Variants in TOPAZ1 observed in about 807,000 individuals in gnomAD.
TOPAZ1 encodes protein TOPAZ1.
TOPAZ1 carries 66 observed loss-of-function variants against 172.2 expected under a neutral mutation model. The observed-to-expected ratio is 0.38, with a 90% CI of 0.31 to 0.47. TOPAZ1 has a LOEUF of 0.47. Ranked by LOEUF, TOPAZ1 falls within the 20% of genes least tolerant of loss-of-function variation. TOPAZ1 has a pLI of 0.99. For synonymous variants in TOPAZ1, 681 were observed against 683.9 expected (o/e 1.00, Z 0.07); for missense variants, 1,822 against 1,972.4 (o/e 0.92, Z 1.44).
Position 44,323,161 on chromosome 3 carries a change from G to T in TOPAZ1, c.4541G>T (p.Ser1514Ile), listed in dbSNP as rs1700559126. The stretch of plus-strand genomic sequence containing the variant: ...CTAGGTTCCTGTATAGAAAGCAGTA[G>T]TCTTGGTATGTCATCCTCTGTGGCA... ...KLLGSCIESSSLGMSSSVAEF... is the reference protein window; with the variant it reads ...KLLGSCIESSILGMSSSVAEF... Residue 1514 changes from serine to isoleucine, a missense_variant, in exon 18 of 20, where the codon AGT becomes ATT. Physicochemically the swap from Ser to Ile is moderately radical, Grantham distance 142. Coordinates refer to ENST00000309765, the MANE Select transcript of TOPAZ1 (RefSeq NM_001145030.2). 2 of 1,550,138 alleles carry T rather than the reference G, an allele frequency of 1.3e-6. No individual in the cohort carries two copies. The highest frequency in any genetic ancestry group is 1.7e-6 in the Non-Finnish European group (2 of 1,146,004).
At chr3:44,279,526 T>C (rs1699999506) in intron 8 of TOPAZ1, among the ~76,000 whole-genome samples, 1 of 152,216 alleles carries the variant, frequency 6.6e-6, no homozygotes, top group Non-Finnish European at 1.5e-5. Flanking sequence ...TTTTAAGTTG[T>C]TATATCCTGT....
At chr3:44,270,872 TA>T (rs1219025398) in intron 8 of TOPAZ1, 62 bp downstream of exon 8, 4 of 1,419,878 alleles carry the variant, frequency 2.8e-6, no homozygotes, top group African/African-American at 1.5e-5. Context: ...TCATGCATTT[TA>T]ATTTAGATTT....
chr3:44,316,092 T>A (rs975954164), intron 16 of TOPAZ1, among the ~76,000 whole-genome samples: 47 of 151,016 alleles, frequency 3.1e-4, no homozygotes, highest in African/African-American at 9.5e-4. Context: ...AAAAAAAAAA[T>A]TTAATTAGCC....
intron 3 of TOPAZ1, among the ~76,000 whole-genome samples, 161 bp from the exon 4 acceptor site, chr3:44,255,990 G>C (rs940864295): frequency 1.3e-5 from 2 of 151,788 alleles, no homozygotes; most frequent in South Asian, 2.1e-4. Flanking sequence ...TATTTTGATA[G>C]AGAGGAATTA....
Position 44,331,362 on chromosome 3 carries a change from A to G in TOPAZ1, c.4860-430A>G, listed in dbSNP as rs892136969. Among the ~76,000 whole-genome samples, 5 of 151,746 alleles carry G rather than the reference A, an allele frequency of 3.3e-5. No homozygotes were observed. In the East Asian group the frequency reaches 5.8e-4, roughly 18 times the overall value. On this transcript the variant is annotated intron_variant, in intron 19 of 19. Transcript: ENST00000309765. ...TTTTTTTTGGACAGAGTCTTGCTCT[A>G]TCACTCAGGCTAGAGTGCAGTGGTG...
chr3:44,329,582 A>G (rs1262946727), intron 19 of TOPAZ1, among the ~76,000 whole-genome samples: 1 of 152,232 alleles, frequency 6.6e-6, no homozygotes, highest in Admixed American at 6.5e-5. Context: ...GCAAGCTACA[A>G]GCTAACCTGC....
At chr3:44,274,006 G>A (rs1299617114) in intron 8 of TOPAZ1, among the ~76,000 whole-genome samples, 2 of 152,082 alleles carry the variant, frequency 1.3e-5, no homozygotes, top group Admixed American at 1.3e-4. Context: ...GAGGCCCAGC[G>A]CGGTGGCTCA....
rs182303549 is a variant in TOPAZ1 at position 44,304,420 on chromosome 3, T to C, written c.3864+339T>C. Among the ~76,000 whole-genome samples the C allele has an allele frequency of 2.6e-5, 4 of 152,332 alleles. No individual in the cohort carries two copies. In the East Asian group the frequency reaches 7.7e-4, roughly 29 times the overall value. ...CATAAGAAAGCTGAGGTACTTGTCATGGATGGCTACAGTACATGAAATGGT... is the reference window on the plus strand; with the variant it reads ...CATAAGAAAGCTGAGGTACTTGTCACGGATGGCTACAGTACATGAAATGGT... On this transcript the variant is annotated intron_variant, in intron 13 of 19. Coordinates refer to ENST00000309765, the MANE Select transcript of TOPAZ1 (RefSeq NM_001145030.2).
chr3:44,246,792 G>C (rs146510618), intron 2 of TOPAZ1, among the ~76,000 whole-genome samples: 111 of 152,276 alleles, frequency 7.3e-4, no homozygotes, highest in African/African-American at 2.6e-3. Flanking sequence ...TCATCTTTCT[G>C]TAAAAAGGGA....
intron 6 of TOPAZ1, among the ~76,000 whole-genome samples, chr3:44,268,137 T>A (rs571974429): frequency 1.1e-4 from 16 of 152,276 alleles, no homozygotes; most frequent in Non-Finnish European, 2.4e-4. Context: ...TGATGCCTGG[T>A]GTATTAGTTT....
At chr3:44,287,694 A>C (rs911044615) in intron 10 of TOPAZ1, 53 bp from the exon 11 acceptor site, 11 of 1,095,332 alleles carry the variant, frequency 1.0e-5, no homozygotes, top group Non-Finnish European at 1.4e-5. Flanking sequence ...GAGAAATTTA[A>C]GGTGTACTAA....
chr3:44,322,638 A>C (rs1010663479), intron 17 of TOPAZ1, among the ~76,000 whole-genome samples: 1 of 152,194 alleles, frequency 6.6e-6, no homozygotes, highest in African/African-American at 2.4e-5. Flanking sequence ...TGAGGCAGGC[A>C]GTTCACTTGA....
chr3:44,309,633 C>A (rs993491170), intron 15 of TOPAZ1, among the ~76,000 whole-genome samples, 192 bp from the exon 16 acceptor site: 3 of 152,128 alleles, frequency 2.0e-5, no homozygotes, highest in Admixed American at 2.0e-4. Flanking sequence ...CAGAGCCTTG[C>A]TTGTTCCTCT....
chr3:44,292,651 C>CT (rs1464173384), intron 12 of TOPAZ1, among the ~76,000 whole-genome samples: 2 of 152,128 alleles, frequency 1.3e-5, no homozygotes, highest in Non-Finnish European at 2.9e-5. Flanking sequence ...CAGCTTTTCA[C>CT]TTTTTTTATT....
chr3:44,309,118 A>G (rs960906731), intron 15 of TOPAZ1, among the ~76,000 whole-genome samples: 16 of 152,242 alleles, frequency 1.1e-4, no homozygotes, highest in African/African-American at 3.9e-4. Context: ...CTATCTGGCC[A>G]TTTACAGGAA....
At chr3:44,318,767 A>AAT (rs1553652295) in intron 16 of TOPAZ1, among the ~76,000 whole-genome samples, 2 of 148,140 alleles carry the variant, frequency 1.4e-5, no homozygotes, top group Non-Finnish European at 3.0e-5. Flanking sequence ...GGAAAAAAAA[A>AAT]ATATATATAT....
intron 19 of TOPAZ1, among the ~76,000 whole-genome samples, chr3:44,331,087 A>G (rs1700662608): frequency 1.3e-5 from 2 of 152,254 alleles, no homozygotes; most frequent in South Asian, 4.1e-4. Context: ...GATTACATTT[A>G]GTATTTTATG....
rs1328261206 is a variant in TOPAZ1, at chr3:44,243,776, T to G, written c.1270T>G (p.Leu424Val). The change falls in exon 2 of 20, where the codon TTG (leucine) becomes GTG (valine). Residue 424 changes from leucine (L) to valine (V), a missense_variant. Leu to Val is a conservative substitution (Grantham distance 32). Coordinates refer to ENST00000309765, the MANE Select transcript of TOPAZ1 (RefSeq NM_001145030.2). ...GTTTCAGAAAACCATTGAACCACTT[T>G]TGAAAGAAGAAACAGAGAATGCTTC... is the stretch of plus-strand genomic sequence containing the variant. ...AVFQKTIEPL[L>V]KEETENASEP... 6.4e-7 allele frequency: 1 copy of G among 1,551,724 alleles called. No homozygotes were observed. The highest frequency in any genetic ancestry group is 1.4e-5 in the African/African-American group (1 of 73,158).
chr3:44,274,113 CTTT>C (rs377497030), intron 8 of TOPAZ1, among the ~76,000 whole-genome samples: 2 of 141,534 alleles, frequency 1.4e-5, no homozygotes, highest in Non-Finnish European at 1.5e-5. Flanking sequence ...AACCCTGTCT[CTTT>C]TTTTTTTTTT....
Sources: gnomAD v4.1 joint callset for allele counts (sites outside exome capture counted in the v4.1 genomes callset) on GRCh38, gnomAD v4.1.1 for gene constraint, MANE v1.5 for transcripts, NCBI Gene and HGNC (gene_info 2026-07-23, HGNC 2026-07-21) for gene names.